FNDC3A: variants seen among roughly 807,000 people sequenced by gnomAD.
FNDC3A encodes the protein fibronectin type-III domain-containing protein 3A.
Under a neutral mutation model 148.9 loss-of-function variants are expected in FNDC3A, and 32 were observed. That is an observed-to-expected ratio of 0.21 (90% confidence interval 0.16 to 0.29). The LOEUF (loss-of-function observed/expected upper bound fraction) is 0.29. Among genes scored for constraint, FNDC3A ranks in the 10% least tolerant of loss-of-function variants. The pLI, the probability that FNDC3A is intolerant of heterozygous loss-of-function variation, is 1.00. For synonymous variants in FNDC3A, 472 were observed against 473.6 expected (o/e 1.00, Z 0.04); for missense variants, 1,191 against 1,452.8 (o/e 0.82, Z 2.93).
chr13:49,148,270 G>GC (rs1883103225), intron 8 of FNDC3A, among the ~76,000 whole-genome samples: 1 of 151,996 alleles, frequency 6.6e-6, no homozygotes, highest in African/African-American at 2.4e-5. Context: ...GGGGGTCTTA[G>GC]CATAAAATCT....
chr13:49,030,045 T>G (rs1252308910), intron 2 of FNDC3A, among the ~76,000 whole-genome samples: 1 of 151,632 alleles, frequency 6.6e-6, no homozygotes, highest in Non-Finnish European at 1.5e-5. Flanking sequence ...TAAGGGAGAA[T>G]TAACACCAAA....
intron 2 of FNDC3A, among the ~76,000 whole-genome samples, chr13:49,061,234 T>G (rs1876666665): frequency 6.6e-6 from 1 of 151,590 alleles, no homozygotes; most frequent in Admixed American, 6.6e-5. Context: ...CCCAGCCTCC[T>G]AAGTAGCTGA....
At chr13:49,039,498 T>G (rs1015720139) in intron 2 of FNDC3A, among the ~76,000 whole-genome samples, 1 of 152,170 alleles carries the variant, frequency 6.6e-6, no homozygotes, top group Non-Finnish European at 1.5e-5. Context: ...CCCAAGTAAA[T>G]AATTTTATAT....
At chr13:49,067,976 A>G (rs1471729957) in intron 2 of FNDC3A, among the ~76,000 whole-genome samples, 3 of 152,074 alleles carry the variant, frequency 2.0e-5, no homozygotes. Flanking sequence ...ATTTGTTAGA[A>G]TCATTAAAAA....
intron 7 of FNDC3A, among the ~76,000 whole-genome samples, chr13:49,143,003 G>T (rs573793913): frequency 6.6e-6 from 1 of 152,200 alleles, no homozygotes; most frequent in South Asian, 2.1e-4. Context: ...GAGTAGCTGG[G>T]ATTACAGGCA....
chr13:49,057,467 A>C (rs1000961155), intron 2 of FNDC3A, among the ~76,000 whole-genome samples: 1 of 151,996 alleles, frequency 6.6e-6, no homozygotes, highest in Admixed American at 6.5e-5. Flanking sequence ...CTCAACTTCT[A>C]CTTGCTGCTC....
chr13:49,035,819 A>G (rs999301561), intron 2 of FNDC3A, among the ~76,000 whole-genome samples: 5 of 152,104 alleles, frequency 3.3e-5, no homozygotes, highest in African/African-American at 1.2e-4. Context: ...TTGTTTGTCT[A>G]TATGCTGGTA....
At chr13:49,101,267 G>A (rs1167653249) in intron 3 of FNDC3A, among the ~76,000 whole-genome samples, 1 of 152,012 alleles carries the variant, frequency 6.6e-6, no homozygotes, top group African/African-American at 2.4e-5. Flanking sequence ...ATCTTTCCTT[G>A]GTCCCTCGAC....
chr13:49,150,400 T>C (rs1347591994), intron 8 of FNDC3A, among the ~76,000 whole-genome samples: 1 of 152,240 alleles, frequency 6.6e-6, no homozygotes, highest in East Asian at 1.9e-4. Flanking sequence ...TAGACATTTA[T>C]TGCTATAAAC....
chr13:49,176,202 C>A (rs1169926441), intron 13 of FNDC3A, among the ~76,000 whole-genome samples: 2 of 152,176 alleles, frequency 1.3e-5, no homozygotes, highest in Non-Finnish European at 2.9e-5. Context: ...ATGCTGGCCT[C>A]ATAAAATGAG....
chr13:49,004,255 GA>G (rs1309239092), intron 1 of FNDC3A, among the ~76,000 whole-genome samples: 2 of 152,108 alleles, frequency 1.3e-5, no homozygotes, highest in Admixed American at 6.5e-5. Flanking sequence ...CACAAGGAAA[GA>G]AAGGAATGTC....
intron 23 of FNDC3A, among the ~76,000 whole-genome samples, chr13:49,200,944 T>A (rs1886391523): frequency 6.8e-6 from 1 of 146,056 alleles, no homozygotes; most frequent in Non-Finnish European, 1.5e-5. Context: ...ATTACCACTA[T>A]TTTTTTTTCC....
rs1157652722 is a variant in FNDC3A, at chr13:49,191,269, T to C, written c.2111T>C (p.Ile704Thr). ...ISCYSVEMSP[I>T]EKDEPREVYQ... Reference sequence around the variant, plus strand: ...TGTTACAGTGTGGAAATGTCTCCTATAGAAAAAGATGAACCTAGAGAAGTT... The same window carrying C: ...TGTTACAGTGTGGAAATGTCTCCTACAGAAAAAGATGAACCTAGAGAAGTT... Residue 704 changes from isoleucine (I) to threonine (T), a missense_variant, in exon 19 of 26, where the codon ATA becomes ACA. Physicochemically the swap from Ile to Thr is moderately conservative, Grantham distance 89. This residue lies in a region of FNDC3A where 751 missense variants were observed against 944.0 expected (regional missense o/e 0.80). Transcript: ENST00000492622. 1 of 1,613,258 alleles carries C rather than the reference T, an allele frequency of 6.2e-7. No homozygotes were observed. The highest frequency in any genetic ancestry group is 8.5e-7 in the Non-Finnish European group (1 of 1,179,720).
chr13:49,136,455 C>T lies in FNDC3A; in HGVS notation c.614C>T (p.Pro205Leu), dbSNP rs1243641948. ...GTQKDKMSSP[P>L]SSPQKCPSPI... Reference sequence around the variant, plus strand: ...CAGAAAGATAAAATGAGCAGTCCACCATCATCACCCCAGAAATGCCCTTCT... The same window carrying T: ...CAGAAAGATAAAATGAGCAGTCCACTATCATCACCCCAGAAATGCCCTTCT... Residue 205 changes from proline to leucine, a missense_variant, in exon 6 of 26, where the codon CCA becomes CTA. Physicochemically the swap from Pro to Leu is moderately conservative, Grantham distance 98 (BLOSUM62 -3). Coordinates refer to ENST00000492622, the MANE Select transcript of FNDC3A (RefSeq NM_001079673.2). The T allele has an allele frequency of 6.2e-7, 1 of 1,614,018 alleles. No individual in the cohort carries two copies. The highest frequency in any genetic ancestry group is 8.5e-7 in the Non-Finnish European group (1 of 1,179,988).
rs1017508206 is a variant in FNDC3A, at chr13:49,209,763, T to G, written c.*2368T>G. ...ATATAAAGCCCAGTAAAGAATAAAA[T>G]TAGAAGTTTTATCCTAGTGACTTGA... On this transcript the variant is annotated 3_prime_UTR_variant, in exon 26 of 26. Transcript: ENST00000492622. 10 of 152,206 alleles carry G rather than the reference T, an allele frequency of 6.6e-5. No homozygotes were observed. The highest frequency in any genetic ancestry group is 1.4e-4 in the African/African-American group (6 of 41,458). The allele number at this position is 152,206 out of a possible 1,614,324, so 9.4% of individuals were successfully genotyped here.
intron 5 of FNDC3A, among the ~76,000 whole-genome samples, chr13:49,132,930 A>G (rs988140292): frequency 1.3e-5 from 2 of 151,784 alleles, no homozygotes; most frequent in South Asian, 2.1e-4. Flanking sequence ...TTGACTATCA[A>G]CTCCCTAAGA....
intron 2 of FNDC3A, among the ~76,000 whole-genome samples, chr13:49,033,578 G>A (rs1019321937): frequency 6.6e-6 from 1 of 152,008 alleles, no homozygotes; most frequent in African/African-American, 2.4e-5. Flanking sequence ...ATAGATTGCT[G>A]GAGAAGAAGC....
chr13:49,155,731 G>A (rs1395356656), intron 8 of FNDC3A, among the ~76,000 whole-genome samples: 8 of 42,086 alleles, frequency 1.9e-4, no homozygotes, highest in African/African-American at 7.7e-4. Context: ...CTTTGTTCTC[G>A]TTGGTTTCAA....
chr13:49,196,472 G>A (rs1166685620), intron 19 of FNDC3A, among the ~76,000 whole-genome samples: 1 of 152,158 alleles, frequency 6.6e-6, no homozygotes, highest in Non-Finnish European at 1.5e-5. Context: ...TATGGAATAT[G>A]CCTAAGAAAG....
Sources: allele counts gnomAD v4.1 joint callset (sites outside exome capture counted in the v4.1 genomes callset), GRCh38; gene constraint gnomAD v4.1.1; regional missense constraint gnomAD v4.1.1; transcripts MANE v1.5; gene names NCBI Gene and HGNC (gene_info 2026-07-23, HGNC 2026-07-21).